Variants in LAMA1 observed in about 807,000 individuals in gnomAD.
LAMA1 encodes laminin subunit alpha 1.
Under a neutral mutation model 348.7 loss-of-function variants are expected in LAMA1, and 219 were observed. The observed-to-expected ratio is 0.63, with a 90% CI of 0.56 to 0.70. The LOEUF is 0.70. Ranked by LOEUF, LAMA1 falls within the 30% of genes least tolerant of loss-of-function variation. The pLI, the probability that LAMA1 is intolerant of heterozygous loss-of-function variation, is 0.00. For synonymous variants in LAMA1, 1,487 were observed against 1,491.0 expected, an observed-to-expected ratio of 1.00 and a Z score of 0.06; for missense variants, 3,744 against 3,888.0, an observed-to-expected ratio of 0.96 and a Z score of 0.99.
intron 36 of LAMA1, among the ~76,000 whole-genome samples, chr18:6,988,808 T>TTA (rs1479245320): frequency 9.0e-5 from 9 of 100,466 alleles, no homozygotes; most frequent in South Asian, 7.4e-4. Flanking sequence ...TCCGTCTCAA[T>TTA]AAAAAAAAAA....
At chr18:6,986,051 C>A (rs59480422) in intron 37 of LAMA1, 86 bp downstream of exon 37, 556,197 of 1,483,818 alleles carry the variant, frequency 0.37, 114,740 homozygotes, top group East Asian at 0.72. Context: ...AGCCACCCAG[C>A]CAGGCCAGGG....
Position 6,992,587 on chromosome 18 carries a change from C to A in LAMA1, c.5142G>T (p.Leu1714Phe), listed in dbSNP as rs1289623311. Residue 1714 changes from leucine (L) to phenylalanine (F), a missense_variant, in exon 36 of 63, where the codon TTG becomes TTT. Physicochemically the swap from Leu to Phe is conservative, Grantham distance 22. Coordinates refer to ENST00000389658, the MANE Select transcript of LAMA1 (RefSeq NM_005559.4). ...TGAGTTCAAGGGTGGCATTTTGGTG[C>A]AACTGTGTGAAGTCTCTTATCTGCA... is the stretch of plus-strand genomic sequence containing the variant. ...EIMQIRDFTQ[L>F]HQNATLELKA... 1 of 1,614,162 alleles carries A rather than the reference C, an allele frequency of 6.2e-7. No individual in the cohort carries two copies. The highest frequency in any genetic ancestry group is 8.5e-7 in the Non-Finnish European group (1 of 1,180,026).
chr18:6,967,853 G>A (rs1031865904), intron 48 of LAMA1, among the ~76,000 whole-genome samples: 2 of 152,116 alleles, frequency 1.3e-5, no homozygotes, highest in African/African-American at 4.8e-5. Flanking sequence ...GAGCCTGTGA[G>A]CCCTCCTCTC....
At chr18:7,046,694 A>C (rs1488703614) in intron 5 of LAMA1, among the ~76,000 whole-genome samples, 1 of 152,180 alleles carries the variant, frequency 6.6e-6, no homozygotes. Context: ...TCTATAGAAA[A>C]GATCATGAAC....
At chr18:7,056,035 G>T (rs2058080575) in intron 3 of LAMA1, among the ~76,000 whole-genome samples, 1 of 151,184 alleles carries the variant, frequency 6.6e-6, no homozygotes, top group Admixed American at 6.6e-5. Context: ...AGTGGAGCTT[G>T]CACCACTGCA....
At chr18:6,984,037 C>T (rs541535974) in intron 39 of LAMA1, among the ~76,000 whole-genome samples, 4 of 152,212 alleles carry the variant, frequency 2.6e-5, no homozygotes, top group South Asian at 2.1e-4. Context: ...TTCTATTACT[C>T]ATACGAAGTA....
rs115830395 is a variant in LAMA1 at position 7,003,847 on chromosome 18, T to C, written c.4261-1462A>G. ...TTTAAATGTTTTTAAAATTCTAGTA[T>C]TTTTCATTTTAAAGTTCTATTCCTA... On this transcript the variant is annotated intron_variant, in intron 29 of 62. Transcript: ENST00000389658. 9.6e-3 allele frequency among the ~76,000 whole-genome samples: 1,469 copies of C among 152,336 alleles called. 24 individuals carry two copies. The highest frequency in any genetic ancestry group is 0.034 in the African/African-American group (1,410 of 41,570).
chr18:6,950,783 G>A lies in LAMA1; in HGVS notation c.8396C>T (p.Thr2799Met), dbSNP rs758518929. 1.4e-5 allele frequency: 23 copies of A among 1,613,844 alleles called. No homozygotes were observed. Among genetic ancestry groups the A allele is most frequent in the South Asian group, 6.6e-5 (6 of 91,072 alleles). ...PALLSDGKWH[T>M]VKTDYVKRKG... ...ACCACAAGCCTCCTGAGATCGTACC[G>A]TGTGCCACTTGCCATCACTGAGCAG... Residue 2799 changes from threonine to methionine, a missense_variant and splice_region_variant, in exon 58 of 63, where the codon ACG (threonine) becomes ATG (methionine). Physicochemically the swap from Thr to Met is moderately conservative, Grantham distance 81. This residue lies in a region of LAMA1 where 1,983 missense variants were observed against 1,934.3 expected (regional missense o/e 1.03). Transcript: ENST00000389658.
chr18:7,089,068 G>A (rs1193016798), intron 1 of LAMA1, among the ~76,000 whole-genome samples: 1 of 151,980 alleles, frequency 6.6e-6, no homozygotes, highest in Admixed American at 6.6e-5. Context: ...GGGATTAATT[G>A]GGACCATAAA....
intron 3 of LAMA1, among the ~76,000 whole-genome samples, chr18:7,064,452 C>A (rs1435660665): frequency 6.6e-6 from 1 of 152,130 alleles, no homozygotes; most frequent in Admixed American, 6.5e-5. Context: ...TGTTTGAAAT[C>A]TTATCTTTCT....
chr18:7,114,532 G>T (rs2058348391), intron 1 of LAMA1, among the ~76,000 whole-genome samples: 1 of 152,102 alleles, frequency 6.6e-6, no homozygotes, highest in South Asian at 2.1e-4. Context: ...CTTGTTGAGG[G>T]TTAACTCTGT....
At chr18:6,988,176 A>G (rs980921967) in intron 36 of LAMA1, among the ~76,000 whole-genome samples, 1 of 152,192 alleles carries the variant, frequency 6.6e-6, no homozygotes, top group Non-Finnish European at 1.5e-5. Flanking sequence ...TGACTCTTCT[A>G]TCTAAACTAC....
intron 20 of LAMA1, 35 bp from the exon 21 acceptor site, chr18:7,016,706 C>A: frequency 6.4e-7 from 1 of 1,571,984 alleles, no homozygotes; most frequent in Non-Finnish European, 8.7e-7. Context: ...TGGAAACCAA[C>A]ATACGTTTTA....
intron 61 of LAMA1, among the ~76,000 whole-genome samples, chr18:6,945,940 G>A (rs189600529): frequency 1.1e-4 from 16 of 152,076 alleles, no homozygotes; most frequent in Non-Finnish European, 1.5e-4. Context: ...TCCTGCCTGC[G>A]CCCAGACAGC....
At chr18:6,966,393 A>G in intron 48 of LAMA1, 96 bp from the exon 49 acceptor site, 1 of 1,010,864 alleles carries the variant, frequency 9.9e-7, no homozygotes, top group Non-Finnish European at 1.5e-6. Flanking sequence ...AGATCACTGT[A>G]GAGCTATTAG....
At chr18:6,956,510 T>A (rs771855119) in intron 56 of LAMA1, 126 bp downstream of exon 56, 7 of 823,826 alleles carry the variant, frequency 8.5e-6, no homozygotes, top group Non-Finnish European at 1.2e-5. Flanking sequence ...TTAGCACAGC[T>A]CCAGCTCCAG....
intron 14 of LAMA1, among the ~76,000 whole-genome samples, chr18:7,033,920 G>C (rs2057982772): frequency 6.6e-6 from 1 of 152,054 alleles, no homozygotes; most frequent in Admixed American, 6.6e-5. Flanking sequence ...ATTTTTAGTA[G>C]AGATGGGGTT....
At chr18:7,105,426 G>A (rs2058307933) in intron 1 of LAMA1, among the ~76,000 whole-genome samples, 1 of 151,038 alleles carries the variant, frequency 6.6e-6, no homozygotes, top group Non-Finnish European at 1.5e-5. Context: ...GCGACAGAGT[G>A]AGACTTCATC....
chr18:7,007,103 C>A (rs577119976), intron 29 of LAMA1, 36 bp downstream of exon 29: 4 of 1,612,048 alleles, frequency 2.5e-6, no homozygotes. Context: ...CACTTTACTT[C>A]TAAACTCAGG....
Sources: allele counts gnomAD v4.1 joint callset (sites outside exome capture counted in the v4.1 genomes callset), GRCh38; gene constraint gnomAD v4.1.1; regional missense constraint gnomAD v4.1.1; transcripts MANE v1.5; gene names NCBI Gene and HGNC (gene_info 2026-07-23, HGNC 2026-07-21).